KHDRBS3: variants seen among roughly 807,000 people sequenced by gnomAD.
KHDRBS3 encodes the protein KH RNA binding domain containing, signal transduction associated 3.
A neutral mutation model predicts 45.6 loss-of-function variants in KHDRBS3; 23 were observed. That is an observed-to-expected ratio of 0.50 (90% CI 0.36 to 0.72). The LOEUF (loss-of-function observed/expected upper bound fraction) is 0.72. Among genes scored for constraint, KHDRBS3 ranks in the 30% least tolerant of loss-of-function variants. KHDRBS3 has a pLI of 0.00. For missense variants in KHDRBS3, 352 were observed against 424.8 expected (o/e 0.83, Z 1.51); for synonymous variants, 162 against 156.5 (o/e 1.04, Z -0.26).
rs147742474 is a variant in KHDRBS3 at position 135,457,923 on chromosome 8, C to T, written c.57C>T (p.Ser19=). ...LMAEKDSLDP[S]FTHALRLVNQ... is the part of the protein sequence containing the mutation. ...CGGAGAAGGACTCCCTGGACCCCTC[C>T]TTCACGCACGCCCTGCGCCTGGTGA... Residue 19 remains serine (S), a synonymous_variant, in exon 1 of 9, where the codon TCC becomes TCT. Transcript: ENST00000355849. The surrounding 1 kb of genome is among the most constrained non-coding windows in gnomAD (Gnocchi z 4.4). 8.1e-6 allele frequency: 13 copies of T among 1,603,054 alleles called. No homozygotes were observed. The African/African-American group carries it at 1.5e-4, about 18-fold the overall frequency.
At chr8:135,504,186 C>G (rs1281724216) in intron 1 of KHDRBS3, among the ~76,000 whole-genome samples, 2 of 152,110 alleles carry the variant, frequency 1.3e-5, no homozygotes, top group Non-Finnish European at 2.9e-5. Context: ...AAATTAAGCT[C>G]CTCTTTCCAT....
chr8:135,624,532 T>A (rs1179357479), intron 7 of KHDRBS3, among the ~76,000 whole-genome samples: 1 of 152,196 alleles, frequency 6.6e-6, no homozygotes, highest in African/African-American at 2.4e-5. Context: ...ACACATCCTC[T>A]GTTATATCCA....
At chr8:135,650,810 C>T (rs958617723), downstream of KHDRBS3, among the ~76,000 whole-genome samples, 2 of 152,204 alleles carry the variant, frequency 1.3e-5, no homozygotes, top group African/African-American at 4.8e-5. Flanking sequence ...TCTACCCCGC[C>T]CCTGCACCAG....
intron 6 of KHDRBS3, among the ~76,000 whole-genome samples, chr8:135,593,847 A>T (rs1033443840): frequency 1.2e-4 from 19 of 152,308 alleles, no homozygotes; most frequent in Non-Finnish European, 2.1e-4. Flanking sequence ...TGACTTATGT[A>T]CAAAGAATAG....
intron 7 of KHDRBS3, among the ~76,000 whole-genome samples, chr8:135,636,674 A>G (rs1470532172): frequency 6.6e-6 from 1 of 152,218 alleles, no homozygotes; most frequent in African/African-American, 2.4e-5. Context: ...TTGACACCTC[A>G]TGCAGCCTTC....
rs767228058 is a variant in KHDRBS3 at position 135,645,137 on chromosome 8, A to G, written c.949+20A>G. 1 of 1,612,792 alleles carries G rather than the reference A, an allele frequency of 6.2e-7. No homozygotes were observed. Reference sequence around the variant, plus strand: ...CCTACGGTGAGTGACTGGCCAGAGCATGTGAAGAGAGGGAGGAGAGATGGC... The same window carrying G: ...CCTACGGTGAGTGACTGGCCAGAGCGTGTGAAGAGAGGGAGGAGAGATGGC... On this transcript the variant is annotated intron_variant, in intron 8 of 8. Transcript: ENST00000355849.
At chr8:135,541,876 A>T (rs944582752) in intron 2 of KHDRBS3, 1 of 152,140 alleles carries the variant, frequency 6.6e-6, no homozygotes, top group Non-Finnish European at 1.5e-5. Context: ...GACTTATTTA[A>T]TCCTTAGAAC....
rs182855563 is a variant in KHDRBS3 at position 135,557,606 on chromosome 8, T to C, written c.611+19T>C. ...TAACCAGGTAGGTGTAAATTTTTTT[T>C]TAGGTTAACATACCGTGGCAGCAGT... On this transcript the variant is annotated intron_variant, in intron 5 of 8. Transcript: ENST00000355849. 3,972 of 1,597,968 alleles carry C rather than the reference T, an allele frequency of 2.5e-3. 8 individuals carry two copies. Among genetic ancestry groups the C allele is most frequent in the Non-Finnish European group, 3.1e-3 (3,620 of 1,167,578 alleles).
intron 8 of KHDRBS3, 98 bp downstream of exon 8, chr8:135,645,215 C>A: frequency 8.3e-7 from 1 of 1,200,960 alleles, no homozygotes; most frequent in Non-Finnish European, 1.2e-6. Flanking sequence ...CATTTGGACT[C>A]TGAAACAGCA....
chr8:135,458,026 C>A, intron 1 of KHDRBS3, 72 bp downstream of exon 1: 1 of 1,474,948 alleles, frequency 6.8e-7, no homozygotes, highest in Non-Finnish European at 9.0e-7. Flanking sequence ...GCCCAGGGGG[C>A]CCCTCCGTGC....
downstream of KHDRBS3, chr8:135,647,874 TA>T: frequency 6.6e-6 from 1 of 152,346 alleles, no homozygotes; most frequent in East Asian, 1.9e-4. Context: ...AAATCTTGTT[TA>T]AAAACTGGTT....
intron 1 of KHDRBS3, among the ~76,000 whole-genome samples, chr8:135,492,516 CAT>C (rs3029812): frequency 0.018 from 2,595 of 145,832 alleles, 48 homozygotes; most frequent in African/African-American, 0.053. Flanking sequence ...TATATATATA[CAT>C]ATATATATAT....
chr8:135,466,060 A>G (rs1821681150), intron 1 of KHDRBS3, among the ~76,000 whole-genome samples: 1 of 152,196 alleles, frequency 6.6e-6, no homozygotes, highest in Non-Finnish European at 1.5e-5. Flanking sequence ...GGCGCTCCAC[A>G]TAGCTAGGTT....
At chr8:135,568,065 G>A (rs768668052) in intron 5 of KHDRBS3, among the ~76,000 whole-genome samples, 5 of 152,112 alleles carry the variant, frequency 3.3e-5, no homozygotes, top group Admixed American at 6.5e-5. Flanking sequence ...TGTGTAATGC[G>A]GTTACTGCCT....
At chr8:135,500,794 A>T (rs1419998328) in intron 1 of KHDRBS3, among the ~76,000 whole-genome samples, 1 of 152,186 alleles carries the variant, frequency 6.6e-6, no homozygotes, top group Non-Finnish European at 1.5e-5. Context: ...AGTAAGACAG[A>T]TCTAAACAAT....
At chr8:135,496,196 A>C (rs1342870014) in intron 1 of KHDRBS3, among the ~76,000 whole-genome samples, 3 of 150,188 alleles carry the variant, frequency 2.0e-5, no homozygotes, top group African/African-American at 7.4e-5. Flanking sequence ...ATGCAAAAAA[A>C]AAATAGCAAA....
intron 4 of KHDRBS3, among the ~76,000 whole-genome samples, chr8:135,655,060 G>T (rs960334908): frequency 6.6e-6 from 1 of 152,206 alleles, no homozygotes; most frequent in Non-Finnish European, 1.5e-5. Flanking sequence ...AGGGTCACAG[G>T]TGTGTCTGTC....
intron 7 of KHDRBS3, among the ~76,000 whole-genome samples, chr8:135,621,239 C>T (rs901911147): frequency 5.9e-5 from 9 of 152,092 alleles, no homozygotes; most frequent in Admixed American, 2.0e-4. Flanking sequence ...ACAGATAATT[C>T]TGATAAGCAG....
intron 7 of KHDRBS3, among the ~76,000 whole-genome samples, chr8:135,635,644 A>C (rs1830780181): frequency 6.6e-6 from 1 of 152,162 alleles, no homozygotes; most frequent in African/African-American, 2.4e-5. Flanking sequence ...CGGTCTCCCA[A>C]AGTGCTGGGA....
Sources: allele counts gnomAD v4.1 joint callset (sites outside exome capture counted in the v4.1 genomes callset), GRCh38; gene constraint gnomAD v4.1.1; non-coding constraint Gnocchi (gnomAD v3.1); transcripts MANE v1.5; gene names NCBI Gene and HGNC (gene_info 2026-07-23, HGNC 2026-07-21).